PRKACB: variants seen among roughly 807,000 people sequenced by gnomAD.
The protein encoded by PRKACB is cAMP-dependent protein kinase catalytic subunit beta.
PRKACB carries 16 observed loss-of-function variants against 51.4 expected under a neutral mutation model. That is an observed-to-expected ratio of 0.31 (90% CI 0.21 to 0.47). The LOEUF (loss-of-function observed/expected upper bound fraction) is 0.47. Among genes scored for constraint, PRKACB ranks in the 20% least tolerant of loss-of-function variants. The probability of loss-of-function intolerance (pLI) is 1.00; values close to 1 mark genes in which losing one functional copy is unlikely to be tolerated. For missense variants in PRKACB, 309 were observed against 464.5 expected, an observed-to-expected ratio of 0.67 and a Z score of 3.08; for synonymous variants, 147 against 154.4, an observed-to-expected ratio of 0.95 and a Z score of 0.35.
chr1:84,134,651 A>G (rs1021720241), intron 1 of PRKACB, among the ~76,000 whole-genome samples: 1 of 152,214 alleles, frequency 6.6e-6, no homozygotes, highest in African/African-American at 2.4e-5. Context: ...ATTTAAAACC[A>G]GAAGAAGAAG....
intron 8 of PRKACB, among the ~76,000 whole-genome samples, chr1:84,209,888 A>G (rs1395239625): frequency 6.6e-6 from 1 of 152,230 alleles, no homozygotes; most frequent in Non-Finnish European, 1.5e-5. Context: ...AGGTTCAATC[A>G]ATATTTGTTG....
intron 8 of PRKACB, among the ~76,000 whole-genome samples, chr1:84,207,917 A>G (rs193031179): frequency 7.8e-4 from 118 of 152,144 alleles, no homozygotes; most frequent in South Asian, 2.1e-3. Context: ...GACCAGGCTG[A>G]AGTGCAGTGG....
chr1:84,196,175 T>C (rs940344698), intron 5 of PRKACB, among the ~76,000 whole-genome samples: 2 of 152,192 alleles, frequency 1.3e-5, no homozygotes, highest in South Asian at 2.1e-4. Context: ...TAAATGCAGC[T>C]AAAGAGCTTC....
intron 1 of PRKACB, among the ~76,000 whole-genome samples, chr1:84,158,223 A>C (rs1558042930): frequency 6.6e-6 from 1 of 152,054 alleles, no homozygotes; most frequent in Non-Finnish European, 1.5e-5. Context: ...TTTTTAGTAG[A>C]CATGGGGTTT....
chr1:84,198,329 G>A (rs1325533880), intron 7 of PRKACB, among the ~76,000 whole-genome samples: 1 of 152,052 alleles, frequency 6.6e-6, no homozygotes. Flanking sequence ...ATAGTGAAAC[G>A]TGGTGAGAGA....
At chr1:84,197,665 G>A in intron 6 of PRKACB, 64 bp from the exon 7 acceptor site, 1 of 1,035,996 alleles carries the variant, frequency 9.7e-7, no homozygotes, top group Non-Finnish European at 1.4e-6. Context: ...TTCAACGTAG[G>A]TGCAATAAAT....
chr1:84,087,671 G>A (rs996296863), intron 1 of PRKACB, among the ~76,000 whole-genome samples: 1 of 151,988 alleles, frequency 6.6e-6, no homozygotes, highest in Admixed American at 6.6e-5. Flanking sequence ...GTGTACCATC[G>A]AGGCTTGTTT....
intron 1 of PRKACB, among the ~76,000 whole-genome samples, chr1:84,126,388 G>A (rs116507789): frequency 0.011 from 1,692 of 152,236 alleles, 39 homozygotes; most frequent in African/African-American, 0.039. Flanking sequence ...TCTTCTCCTG[G>A]AGTTCAGCCG....
chr1:84,106,172 A>G (rs1480361764), intron 1 of PRKACB, among the ~76,000 whole-genome samples: 2 of 152,130 alleles, frequency 1.3e-5, no homozygotes, highest in African/African-American at 4.8e-5. Flanking sequence ...CCAATCTCCC[A>G]TGGATACCAA....
intron 8 of PRKACB, among the ~76,000 whole-genome samples, chr1:84,211,109 CCCA>C (rs979871313): frequency 8.0e-6 from 1 of 125,128 alleles, no homozygotes; most frequent in Non-Finnish European, 1.7e-5. Flanking sequence ...GCTGTCACAA[CCCA>C]CCACCACTCC....
intron 5 of PRKACB, among the ~76,000 whole-genome samples, chr1:84,192,684 A>G (rs1210752961): frequency 6.6e-6 from 1 of 152,130 alleles, no homozygotes; most frequent in Admixed American, 6.6e-5. Context: ...AATTTTTATT[A>G]GCCTTAAGAT....
intron 1 of PRKACB, among the ~76,000 whole-genome samples, chr1:84,093,577 A>T (rs147607321): frequency 3.9e-5 from 6 of 152,148 alleles, no homozygotes; most frequent in African/African-American, 1.4e-4. Context: ...TTTTACAAAA[A>T]TTTTGAATAT....
At chr1:84,213,904 A>G (rs1325221899) in intron 8 of PRKACB, among the ~76,000 whole-genome samples, 1 of 152,226 alleles carries the variant, frequency 6.6e-6, no homozygotes, top group Non-Finnish European at 1.5e-5. Flanking sequence ...AGACTGCTCC[A>G]TGTTCTTAAA....
chr1:84,204,467 G>C (rs772905446), intron 8 of PRKACB: 4 of 1,555,554 alleles, frequency 2.6e-6, no homozygotes, highest in Admixed American at 3.4e-5. Flanking sequence ...CTTTGTAATT[G>C]TTTTCTCCCA....
chr1:84,133,625 G>A (rs1652483984), intron 1 of PRKACB, among the ~76,000 whole-genome samples: 1 of 152,136 alleles, frequency 6.6e-6, no homozygotes, highest in South Asian at 2.1e-4. Context: ...TGCTTCACTT[G>A]GCTTTACTCG....
chr1:84,232,216 T>C (rs1460096143), intron 9 of PRKACB, among the ~76,000 whole-genome samples: 5 of 151,966 alleles, frequency 3.3e-5, no homozygotes, highest in Non-Finnish European at 5.9e-5. Context: ...TCAGTTTCCA[T>C]GTAGTTGAGC....
chr1:84,211,267 T>C (rs1327333680), intron 8 of PRKACB, among the ~76,000 whole-genome samples: 1 of 152,156 alleles, frequency 6.6e-6, no homozygotes, highest in Non-Finnish European at 1.5e-5. Flanking sequence ...CCAAAGATAA[T>C]TTATATGTAG....
chr1:84,149,870 T>G (rs1338732584), intron 1 of PRKACB, among the ~76,000 whole-genome samples: 1 of 152,110 alleles, frequency 6.6e-6, no homozygotes, highest in African/African-American at 2.4e-5. Context: ...ATGCATATCT[T>G]TTTGGAGTTA....
At chr1:84,109,423 T>A (rs547329343) in intron 1 of PRKACB, among the ~76,000 whole-genome samples, 1 of 152,116 alleles carries the variant, frequency 6.6e-6, no homozygotes, top group African/African-American at 2.4e-5. Context: ...TTCTGATGAA[T>A]GTTAGAGTAG....
Sources: gnomAD v4.1 joint callset for allele counts (sites outside exome capture counted in the v4.1 genomes callset) on GRCh38, gnomAD v4.1.1 for gene constraint, MANE v1.5 for transcripts, NCBI Gene and HGNC (gene_info 2026-07-23, HGNC 2026-07-21) for gene names.